The following NEGR1 variants were observed in gnomAD, a reference collection of about 807,000 sequenced individuals.
The protein encoded by NEGR1 is IgLON family member 4.
Under a neutral mutation model 40.9 loss-of-function variants are expected in NEGR1, and 10 were observed. The ratio of observed to expected loss-of-function variants is 0.24; its 90% CI spans 0.15 to 0.42. The LOEUF is 0.42. Among genes scored for constraint, NEGR1 ranks in the 10% least tolerant of loss-of-function variants. NEGR1 has a pLI of 1.00. For missense variants in NEGR1, 352 were observed against 438.9 expected, an observed-to-expected ratio of 0.80 and a Z score of 1.77; for synonymous variants, 185 against 166.8, an observed-to-expected ratio of 1.11 and a Z score of -0.84.
At chr1:71,880,342 G>C (rs1028945688) in intron 2 of NEGR1, among the ~76,000 whole-genome samples, 4 of 151,824 alleles carry the variant, frequency 2.6e-5, no homozygotes, top group African/African-American at 9.7e-5. Context: ...TATACTCTTA[G>C]GATTAAAAGA....
chr1:71,671,904 T>G (rs989875632), intron 4 of NEGR1, among the ~76,000 whole-genome samples: 10 of 149,284 alleles, frequency 6.7e-5, no homozygotes, highest in African/African-American at 2.0e-4. Context: ...TTTTTTTTTT[T>G]TTTTTTTGTT....
At chr1:71,945,959 G>T (rs974318295) in intron 1 of NEGR1, among the ~76,000 whole-genome samples, 1 of 152,140 alleles carries the variant, frequency 6.6e-6, no homozygotes, top group Non-Finnish European at 1.5e-5. Context: ...TCTAGGTTAT[G>T]ATTGTGAATT....
At chr1:71,859,239 C>T (rs577487004) in intron 2 of NEGR1, among the ~76,000 whole-genome samples, 7 of 152,118 alleles carry the variant, frequency 4.6e-5, no homozygotes, top group African/African-American at 9.6e-5. Flanking sequence ...CTGCTGTTTC[C>T]AGAACATTCT....
At chr1:72,227,642 A>G (rs1420233602) in intron 1 of NEGR1, among the ~76,000 whole-genome samples, 1 of 152,126 alleles carries the variant, frequency 6.6e-6, no homozygotes, top group Non-Finnish European at 1.5e-5. Context: ...TTTACCATAT[A>G]TAGAAACTTT....
chr1:72,032,831 T>A (rs1159746096), intron 1 of NEGR1, among the ~76,000 whole-genome samples: 2 of 152,122 alleles, frequency 1.3e-5, no homozygotes, highest in African/African-American at 4.8e-5. Context: ...GCAATTTAGT[T>A]AAATACTTTG....
At chr1:71,549,628 G>A (rs1648010678) in intron 6 of NEGR1, among the ~76,000 whole-genome samples, 1 of 151,670 alleles carries the variant, frequency 6.6e-6, no homozygotes, top group African/African-American at 2.4e-5. Context: ...ATTTACCTGA[G>A]AAGTAGTGAA....
intron 1 of NEGR1, among the ~76,000 whole-genome samples, chr1:71,950,758 T>C (rs1646062857): frequency 6.6e-6 from 1 of 151,916 alleles, no homozygotes; most frequent in African/African-American, 2.4e-5. Context: ...CACAATTGTC[T>C]TTGTAGTCAA....
chr1:71,490,665 A>G (rs1345620182), intron 6 of NEGR1, among the ~76,000 whole-genome samples: 2 of 152,012 alleles, frequency 1.3e-5, no homozygotes, highest in Non-Finnish European at 2.9e-5. Context: ...ATGAAAGGGA[A>G]GACTGCTGAG....
chr1:71,610,604 G>A (rs1179000538), intron 5 of NEGR1, among the ~76,000 whole-genome samples: 2 of 152,152 alleles, frequency 1.3e-5, no homozygotes, highest in Non-Finnish European at 2.9e-5. Flanking sequence ...ACTATCTTGT[G>A]GGAGAATAAG....
chr1:71,898,957 TATATAGC>T (rs1661057057), intron 2 of NEGR1, among the ~76,000 whole-genome samples: 1 of 102,108 alleles, frequency 9.8e-6, no homozygotes, highest in African/African-American at 4.1e-5. Context: ...CAAATATATA[TATATAGC>T]ATATATATAT....
intron 6 of NEGR1, among the ~76,000 whole-genome samples, chr1:71,529,547 TTAAAA>T (rs1647294170): frequency 6.6e-6 from 1 of 151,192 alleles, no homozygotes; most frequent in Non-Finnish European, 1.5e-5. Context: ...TTTCCACTCT[TTAAAA>T]TAAAAGTCCA....
intron 1 of NEGR1, among the ~76,000 whole-genome samples, chr1:72,063,791 C>T (rs2100498143): frequency 6.6e-6 from 1 of 151,886 alleles, no homozygotes; most frequent in East Asian, 2.0e-4. Flanking sequence ...ACTATTAAGC[C>T]CTCAATGCTG....
chr1:72,209,138 A>C (rs996006168), intron 1 of NEGR1, among the ~76,000 whole-genome samples: 5 of 151,478 alleles, frequency 3.3e-5, no homozygotes, highest in African/African-American at 9.7e-5. Flanking sequence ...TTTTTTTCTT[A>C]TTATTAAACT....
intron 2 of NEGR1, among the ~76,000 whole-genome samples, chr1:71,899,838 T>A (rs1309059889): frequency 6.6e-6 from 1 of 152,190 alleles, no homozygotes. Flanking sequence ...AACCATTGTT[T>A]TCTTCACCAA....
chr1:71,592,370 G>C (rs757795668), intron 6 of NEGR1, among the ~76,000 whole-genome samples: 12 of 151,958 alleles, frequency 7.9e-5, no homozygotes, highest in Non-Finnish European at 1.8e-4. Flanking sequence ...TTTACTTACT[G>C]TTTCATTTTA....
intron 1 of NEGR1, among the ~76,000 whole-genome samples, chr1:72,254,028 C>T (rs1365324503): frequency 1.3e-5 from 2 of 152,152 alleles, no homozygotes; most frequent in East Asian, 3.9e-4. Context: ...CAAAGCAGAG[C>T]TGGATGACAT....
chr1:71,734,190 G>T (rs1654974845), intron 3 of NEGR1, among the ~76,000 whole-genome samples: 1 of 152,142 alleles, frequency 6.6e-6, no homozygotes, highest in African/African-American at 2.4e-5. Flanking sequence ...TTCACCAAAA[G>T]AATAGGACCG....
At chr1:71,670,617 A>G (rs2101599349) in intron 4 of NEGR1, among the ~76,000 whole-genome samples, 1 of 152,100 alleles carries the variant, frequency 6.6e-6, no homozygotes, top group Non-Finnish European at 1.5e-5. Flanking sequence ...ATTTCAGCTC[A>G]CTGCAACCTC....
intron 6 of NEGR1, among the ~76,000 whole-genome samples, chr1:71,578,318 T>C (rs1649025783): frequency 6.6e-6 from 1 of 152,106 alleles, no homozygotes; most frequent in South Asian, 2.1e-4. Context: ...CAAAGGCAAG[T>C]TCTTCTTTAG....
Sources: gnomAD v4.1 joint callset for allele counts (sites outside exome capture counted in the v4.1 genomes callset) on GRCh38, gnomAD v4.1.1 for gene constraint, MANE v1.5 for transcripts, NCBI Gene and HGNC (gene_info 2026-07-23, HGNC 2026-07-21) for gene names.